The following SAMD3 variants were observed in gnomAD, a reference collection of about 807,000 sequenced individuals.
The protein encoded by SAMD3 is sterile alpha motif domain containing 3.
In SAMD3, 63 loss-of-function variants were observed where a neutral mutation model predicts 58.5. The ratio of observed to expected loss-of-function variants is 1.08; its 90% CI spans 0.88 to 1.33. The LOEUF (loss-of-function observed/expected upper bound fraction) is 1.33. Among genes scored for constraint, SAMD3 ranks in the 40% most tolerant of loss-of-function variants. The pLI, the probability that SAMD3 is intolerant of heterozygous loss-of-function variation, is 0.00. For synonymous variants in SAMD3, 220 were observed against 210.3 expected, an observed-to-expected ratio of 1.05 and a Z score of -0.40; for missense variants, 604 against 608.4, an observed-to-expected ratio of 0.99 and a Z score of 0.08.
chr6:130,305,352 T>C (rs1419028899), intron 2 of SAMD3, among the ~76,000 whole-genome samples: 1 of 152,214 alleles, frequency 6.6e-6, no homozygotes, highest in Non-Finnish European at 1.5e-5. Context: ...TTCAACTGTA[T>C]CATCTAAAGA....
chr6:130,157,088 T>C (rs913852367), intron 8 of SAMD3, among the ~76,000 whole-genome samples: 1 of 140,110 alleles, frequency 7.1e-6, no homozygotes. Flanking sequence ...AATAAATAAA[T>C]AAATAAATAA....
At chr6:130,232,389 G>T (rs62431205) in intron 2 of SAMD3, among the ~76,000 whole-genome samples, 21,682 of 152,052 alleles carry the variant, frequency 0.14, 1,768 homozygotes, top group East Asian at 0.36. Flanking sequence ...GCTAATTAAT[G>T]CACTCTTTAC....
intron 2 of SAMD3, among the ~76,000 whole-genome samples, chr6:130,255,737 C>T (rs1437265381): frequency 1.3e-5 from 2 of 151,900 alleles, no homozygotes; most frequent in African/African-American, 4.8e-5. Flanking sequence ...CAAGCGATCC[C>T]CCCACCTCAG....
chr6:130,191,416 C>T (rs1480334475), intron 5 of SAMD3, among the ~76,000 whole-genome samples: 1 of 152,140 alleles, frequency 6.6e-6, no homozygotes, highest in Non-Finnish European at 1.5e-5. Context: ...TGGATATAAA[C>T]ATTCGCATTT....
chr6:130,174,278 G>A (rs968542464), intron 8 of SAMD3, among the ~76,000 whole-genome samples: 2 of 152,182 alleles, frequency 1.3e-5, no homozygotes, highest in Non-Finnish European at 2.9e-5. Context: ...ACCCAATTTT[G>A]TGCTTGAAAC....
chr6:130,263,488 G>A (rs1438241149), intron 2 of SAMD3, among the ~76,000 whole-genome samples: 1 of 152,020 alleles, frequency 6.6e-6, no homozygotes, highest in East Asian at 1.9e-4. Flanking sequence ...AGCAAAAAAG[G>A]ATAGACTCAT....
intron 2 of SAMD3, among the ~76,000 whole-genome samples, chr6:130,296,090 C>A (rs976400813): frequency 1.3e-5 from 2 of 152,156 alleles, no homozygotes; most frequent in East Asian, 1.9e-4. Context: ...ATCCAGGTGG[C>A]CCACGGGGTC....
In SAMD3 at chr6:130,144,366, A is replaced by C. The variant is rs2114532481; in HGVS notation, c.*154T>G. On this transcript the variant is annotated 3_prime_UTR_variant, in exon 12 of 12. Coordinates refer to ENST00000439090, the MANE Select transcript of SAMD3 (RefSeq NM_001017373.4). ...AATTTCACAAAGAACTTAATATCTA[A>C]GTGTAAAGATAGAAAGCATTGAAAT... 1 of 622,110 alleles carries C rather than the reference A, an allele frequency of 1.6e-6. No homozygotes were observed. Among genetic ancestry groups the C allele is most frequent in the South Asian group, 2.7e-5 (1 of 37,240 alleles). 38.5% of individuals were successfully genotyped at this position (622,110 alleles called of 1,614,324 possible). A position where few individuals can be genotyped will look rare whatever the true frequency, so the allele number is the denominator to read the frequency against.
intron 7 of SAMD3, among the ~76,000 whole-genome samples, chr6:130,180,503 A>C (rs1484873112): frequency 1.3e-5 from 2 of 152,070 alleles, no homozygotes; most frequent in Non-Finnish European, 2.9e-5. Flanking sequence ...AACCAAAACA[A>C]ACAAACAAGC....
chr6:130,243,987 A>G (rs1773450464), intron 2 of SAMD3, among the ~76,000 whole-genome samples: 1 of 152,236 alleles, frequency 6.6e-6, no homozygotes, highest in Non-Finnish European at 1.5e-5. Flanking sequence ...TAGGTAACCC[A>G]TTAAATTCTC....
chr6:130,225,382 G>C (rs1562467208), upstream of SAMD3, among the ~76,000 whole-genome samples: 3 of 152,194 alleles, frequency 2.0e-5, no homozygotes, highest in Non-Finnish European at 4.4e-5. Context: ...AATGTGGAAG[G>C]AGTAAGGGAG....
intron 1 of SAMD3, among the ~76,000 whole-genome samples, chr6:130,327,557 A>G (rs1776796036): frequency 6.6e-6 from 1 of 152,204 alleles, no homozygotes; most frequent in Non-Finnish European, 1.5e-5. Flanking sequence ...AAAAATAGCC[A>G]TTAGACTTAT....
chr6:130,275,685 C>G (rs1321798790), intron 2 of SAMD3, among the ~76,000 whole-genome samples: 1 of 151,992 alleles, frequency 6.6e-6, no homozygotes, highest in Non-Finnish European at 1.5e-5. Flanking sequence ...CCTATTTGGT[C>G]TTGATTCAAA....
chr6:130,253,339 C>T (rs1441588427), intron 2 of SAMD3, among the ~76,000 whole-genome samples: 1 of 152,096 alleles, frequency 6.6e-6, no homozygotes, highest in African/African-American at 2.4e-5. Flanking sequence ...TGGGTGCAGT[C>T]CTTGTTTAGT....
At chr6:130,210,805 A>G (rs369028024) in intron 4 of SAMD3, among the ~76,000 whole-genome samples, 1 of 152,056 alleles carries the variant, frequency 6.6e-6, no homozygotes, top group East Asian at 2.0e-4. Context: ...ATTAACATCA[A>G]CACAGACCTT....
chr6:130,266,376 C>T (rs991635840), intron 2 of SAMD3, among the ~76,000 whole-genome samples: 1 of 152,074 alleles, frequency 6.6e-6, no homozygotes, highest in African/African-American at 2.4e-5. Context: ...TACCTATAAA[C>T]CCAGTTCCTG....
intron 8 of SAMD3, among the ~76,000 whole-genome samples, chr6:130,166,057 C>T (rs1790711707): frequency 6.6e-6 from 1 of 152,172 alleles, no homozygotes. Context: ...CAAGAGCTAG[C>T]CAGAGCTTGT....
At chr6:130,162,040 A>G in intron 8 of SAMD3, 1 of 462,802 alleles carries the variant, frequency 2.2e-6, no homozygotes. Context: ...GAAGTGTAGG[A>G]CTCACCTTTG....
intron 9 of SAMD3, among the ~76,000 whole-genome samples, chr6:130,149,331 A>G (rs920859204): frequency 6.6e-6 from 1 of 152,210 alleles, no homozygotes; most frequent in Admixed American, 6.5e-5. Context: ...TTCTCAAAGA[A>G]CTTAAAACAG....
Sources: gnomAD v4.1 joint callset for allele counts (sites outside exome capture counted in the v4.1 genomes callset) on GRCh38, gnomAD v4.1.1 for gene constraint, MANE v1.5 for transcripts, NCBI Gene and HGNC (gene_info 2026-07-23, HGNC 2026-07-21) for gene names.